RAB3GAP2: variants seen among roughly 807,000 people sequenced by gnomAD.
RAB3GAP2 encodes rab3 GTPase-activating protein non-catalytic subunit.
A neutral mutation model predicts 185.3 loss-of-function variants in RAB3GAP2; 87 were observed. The ratio of observed to expected loss-of-function variants is 0.47; its 90% CI spans 0.39 to 0.56. The LOEUF (loss-of-function observed/expected upper bound fraction) is 0.56, where lower values mean the gene tolerates loss of function less well. RAB3GAP2 is among the 20% of genes least tolerant of loss of function. The pLI is 0.00. For missense variants in RAB3GAP2, 1,492 were observed against 1,638.2 expected, an observed-to-expected ratio of 0.91 and a Z score of 1.54; for synonymous variants, 554 against 576.1, an observed-to-expected ratio of 0.96 and a Z score of 0.55.
chr1:220,188,584 T>C (rs1658548725), intron 17 of RAB3GAP2, among the ~76,000 whole-genome samples: 1 of 152,150 alleles, frequency 6.6e-6, no homozygotes, highest in Admixed American at 6.6e-5. Context: ...CAGGGACTCA[T>C]ACAGAACAGG....
rs1387768304 is a variant in RAB3GAP2 at position 220,193,248 on chromosome 1, A to G, written c.1262T>C (p.Met421Thr). Residue 421 changes from methionine to threonine, a missense_variant, in exon 13 of 35, where the codon ATG becomes ACG. Physicochemically the swap from Met to Thr is moderately conservative, Grantham distance 81. Around this residue, in one of 5 missense-constraint regions of RAB3GAP2, gnomAD observed 681 missense variants for 689.1 expected, o/e 0.99. Transcript: ENST00000358951. ...ATTTTTGTAAGAAGTACCTTTCCAC[A>G]TGCGTATTGCAATTCCTCTAGCTAC... ...LDVARGIAIR[M>T]WKGYRDAQIG... 1.2e-6 allele frequency: 2 copies of G among 1,613,996 alleles called. No individual in the cohort carries two copies. Among genetic ancestry groups the G allele is most frequent in the Non-Finnish European group, 1.7e-6 (2 of 1,179,926 alleles).
Position 220,150,055 on chromosome 1 carries a change from T to C in RAB3GAP2, c.*1196A>G, listed in dbSNP as rs1571870062. 1 of 152,032 alleles carries C rather than the reference T, an allele frequency of 6.6e-6. No individual in the cohort carries two copies. The highest frequency in any genetic ancestry group is 1.5e-5 in the Non-Finnish European group (1 of 67,992). The allele number at this position is 152,032 out of a possible 1,614,324, so 9.4% of individuals were successfully genotyped here. A position where few individuals can be genotyped will look rare whatever the true frequency, so the allele number is the denominator to read the frequency against. ...ATATACCACAATAAATACTTGGTAT[T>C]TGTAGAGCTCAAAGCACTCTTTTAC... On this transcript the variant is annotated 3_prime_UTR_variant, in exon 35 of 35. Transcript: ENST00000358951.
chr1:220,166,950 T>C (rs1193522926), intron 26 of RAB3GAP2, among the ~76,000 whole-genome samples: 1 of 152,206 alleles, frequency 6.6e-6, no homozygotes, highest in African/African-American at 2.4e-5. Context: ...TGTCACAACC[T>C]AACTAGGGAG....
rs12091790 is a variant in RAB3GAP2, at chr1:220,169,644, G to T, written c.2806+1248C>A. On this transcript the variant is annotated intron_variant, in intron 24 of 34. Transcript: ENST00000358951. ...GAGAAAGAAATAGAAAAATCAGTTG[G>T]ATTCAAAGTCAAAAGTTATTGGAGA... 5.5e-3 allele frequency among the ~76,000 whole-genome samples: 836 copies of T among 152,190 alleles called. 10 individuals are homozygous for T. Among genetic ancestry groups the T allele is most frequent in the African/African-American group, 0.019 (776 of 41,524 alleles).
intron 9 of RAB3GAP2, among the ~76,000 whole-genome samples, chr1:220,198,752 T>C (rs1019987868): frequency 1.3e-5 from 2 of 152,198 alleles, no homozygotes; most frequent in Admixed American, 6.5e-5. Flanking sequence ...ATTATTACCT[T>C]GTCATTTAGA....
intron 12 of RAB3GAP2, 95 bp from the exon 13 acceptor site, chr1:220,193,474 T>C (rs920746230): frequency 2.7e-4 from 327 of 1,194,020 alleles, no homozygotes; most frequent in Middle Eastern, 1.1e-3. Flanking sequence ...AGGCTGAATC[T>C]GTTTTTATAT....
At chr1:220,196,735 G>A (rs1192093490) in intron 9 of RAB3GAP2, among the ~76,000 whole-genome samples, 1 of 151,766 alleles carries the variant, frequency 6.6e-6, no homozygotes, top group African/African-American at 2.4e-5. Context: ...GGAGGCTGGG[G>A]CAGGAGAATT....
chr1:220,252,305 C>A (rs1252193042), intron 1 of RAB3GAP2, among the ~76,000 whole-genome samples: 1 of 151,706 alleles, frequency 6.6e-6, no homozygotes, highest in Non-Finnish European at 1.5e-5. Context: ...AAAATGAGAT[C>A]ACAATATAAA....
At chr1:220,221,446 A>G (rs1452512673) in intron 2 of RAB3GAP2, among the ~76,000 whole-genome samples, 1 of 152,332 alleles carries the variant, frequency 6.6e-6, no homozygotes, top group South Asian at 2.1e-4. Context: ...TGTTGGACTG[A>G]GCTAATCTGT....
intron 12 of RAB3GAP2, among the ~76,000 whole-genome samples, chr1:220,194,058 T>C (rs374452580): frequency 2.6e-5 from 4 of 152,032 alleles, no homozygotes; most frequent in East Asian, 1.9e-4. Context: ...TTTAAAAAGA[T>C]GAAAAAAAAC....
Position 220,153,664 on chromosome 1 carries a change from C to T in RAB3GAP2, c.3646-258G>A. ...ATGTGCACAACGTGTAGGTTTGTTACATATGTATACATGTGCCATGTTGGT... is the reference window on the plus strand; with the variant it reads ...ATGTGCACAACGTGTAGGTTTGTTATATATGTATACATGTGCCATGTTGGT... On this transcript the variant is annotated intron_variant, in intron 32 of 34. Coordinates refer to ENST00000358951, the MANE Select transcript of RAB3GAP2 (RefSeq NM_012414.4). The T allele has an allele frequency of 8.2e-6, 3 of 367,554 alleles. No homozygotes were observed. In the Admixed American group the frequency reaches 1.3e-4, roughly 16 times the overall value. The allele number at this position is 367,554 out of a possible 1,614,324, so 22.8% of individuals were successfully genotyped here. A position where few individuals can be genotyped will look rare whatever the true frequency, so the allele number is the denominator to read the frequency against.
At chr1:220,173,819 G>C (rs1658225247) in intron 21 of RAB3GAP2, among the ~76,000 whole-genome samples, 1 of 152,092 alleles carries the variant, frequency 6.6e-6, no homozygotes, top group South Asian at 2.1e-4. Context: ...AGGAGATTGA[G>C]ACCATCCTGG....
intron 2 of RAB3GAP2, among the ~76,000 whole-genome samples, chr1:220,226,204 T>C (rs1415086342): frequency 1.3e-5 from 2 of 152,170 alleles, no homozygotes; most frequent in African/African-American, 2.4e-5. Context: ...CTGTTTACTA[T>C]TGAGCAAATC....
rs116992228 is a variant in RAB3GAP2, at chr1:220,181,738, C to T, written c.2310+519G>A. 3.2e-4 allele frequency among the ~76,000 whole-genome samples: 49 copies of T among 152,160 alleles called. No individual in the cohort carries two copies. In the East Asian group the frequency reaches 8.7e-3, roughly 27 times the overall value. On this transcript the variant is annotated intron_variant, in intron 21 of 34. Coordinates refer to ENST00000358951, the MANE Select transcript of RAB3GAP2 (RefSeq NM_012414.4). ...CTAAACTTATTTTAGGCCAACTATA[C>T]GATATGCTTGTTAACATTTACAGAA...
intron 21 of RAB3GAP2, among the ~76,000 whole-genome samples, chr1:220,180,615 A>G (rs1658384781): frequency 6.6e-6 from 1 of 152,222 alleles, no homozygotes; most frequent in Non-Finnish European, 1.5e-5. Context: ...AGAAAAGCCC[A>G]GATCTGATGA....
chr1:220,240,614 C>G (rs1042694854), intron 1 of RAB3GAP2, among the ~76,000 whole-genome samples: 1 of 152,080 alleles, frequency 6.6e-6, no homozygotes, highest in Non-Finnish European at 1.5e-5. Context: ...GAATCATACC[C>G]TTTCTCTAAA....
At chr1:220,232,523 C>T (rs548589093) in intron 2 of RAB3GAP2, among the ~76,000 whole-genome samples, 114 of 152,360 alleles carry the variant, frequency 7.5e-4, no homozygotes, top group African/African-American at 2.6e-3. Flanking sequence ...GACTTCCCAA[C>T]ATCCAGAACT....
At chr1:220,174,019 C>CAAAA (rs398050108) in intron 21 of RAB3GAP2, among the ~76,000 whole-genome samples, 3 of 50,976 alleles carry the variant, frequency 5.9e-5, no homozygotes, top group South Asian at 7.0e-4. Flanking sequence ...GACTCTGTCT[C>CAAAA]AAAAAAAAAA....
rs1055993917 is a variant in RAB3GAP2 at position 220,149,786 on chromosome 1, C to G, written c.*1465G>C. 6.6e-6 allele frequency: 1 copy of G among 152,184 alleles called. No homozygotes were observed. The highest frequency in any genetic ancestry group is 1.5e-5 in the Non-Finnish European group (1 of 68,044). 9.4% of individuals were successfully genotyped at this position (152,184 alleles called of 1,614,324 possible). The stretch of plus-strand genomic sequence containing the variant: ...GATTTCAAGTTTGATAGTTACTTAA[C>G]AGTAATTACTAAATTTTAGCCAGTT... On this transcript the variant is annotated 3_prime_UTR_variant, in exon 35 of 35. Transcript: ENST00000358951.
Sources: allele counts gnomAD v4.1 joint callset (sites outside exome capture counted in the v4.1 genomes callset), GRCh38; gene constraint gnomAD v4.1.1; regional missense constraint gnomAD v4.1.1; transcripts MANE v1.5; gene names NCBI Gene and HGNC (gene_info 2026-07-23, HGNC 2026-07-21).